Variants in DLG2 observed in about 807,000 individuals in gnomAD.
DLG2 encodes disks large homolog 2.
DLG2 carries 45 observed loss-of-function variants against 132.5 expected under a neutral mutation model. The observed-to-expected ratio is 0.34, with a 90% CI of 0.27 to 0.44. The LOEUF (loss-of-function observed/expected upper bound fraction) is 0.44, where lower values mean the gene tolerates loss of function less well. Ranked by LOEUF, DLG2 falls within the 20% of genes least tolerant of loss-of-function variation. The pLI is 1.00. For missense variants in DLG2, 1,045 were observed against 1,196.9 expected (o/e 0.87, Z 1.87); for synonymous variants, 424 against 419.6 (o/e 1.01, Z -0.13).
chr11:83,757,011 G>T (rs1004473230), intron 18 of DLG2, among the ~76,000 whole-genome samples: 1 of 152,168 alleles, frequency 6.6e-6, no homozygotes, highest in Non-Finnish European at 1.5e-5. Context: ...TGCATATGTG[G>T]CAAGTGTGCC....
chr11:83,540,221 C>T (rs1323313079), intron 20 of DLG2, among the ~76,000 whole-genome samples: 1 of 152,140 alleles, frequency 6.6e-6, no homozygotes, highest in African/African-American at 2.4e-5. Context: ...CCAAAATGCA[C>T]GTTGTCTTGA....
At chr11:85,499,752 T>A (rs2093753044) in intron 3 of DLG2, among the ~76,000 whole-genome samples, 1 of 152,162 alleles carries the variant, frequency 6.6e-6, no homozygotes, top group Non-Finnish European at 1.5e-5. Flanking sequence ...TCCACCATGA[T>A]CACGTCTGCT....
chr11:84,740,572 T>C (rs185143756), intron 6 of DLG2, among the ~76,000 whole-genome samples: 82 of 152,242 alleles, frequency 5.4e-4, no homozygotes, highest in Non-Finnish European at 1.1e-3. Flanking sequence ...CATCCTCCTC[T>C]GGAGGCCAGT....
intron 18 of DLG2, among the ~76,000 whole-genome samples, chr11:83,720,059 G>A (rs1054050092): frequency 6.6e-6 from 1 of 151,948 alleles, no homozygotes; most frequent in East Asian, 1.9e-4. Context: ...TTGGGAGGCC[G>A]AGGTGGACGG....
chr11:83,617,802 G>A (rs1381041134), intron 19 of DLG2, among the ~76,000 whole-genome samples: 1 of 152,088 alleles, frequency 6.6e-6, no homozygotes, highest in Non-Finnish European at 1.5e-5. Context: ...AGTTAGAACA[G>A]CCTGACCAAC....
chr11:83,655,638 T>C (rs2153530315), intron 18 of DLG2, among the ~76,000 whole-genome samples: 1 of 152,320 alleles, frequency 6.6e-6, no homozygotes, highest in East Asian at 1.9e-4. Flanking sequence ...TCTGAAGATA[T>C]TTGATTTTAT....
At chr11:85,021,509 G>T in intron 6 of DLG2, 1 of 1,513,290 alleles carries the variant, frequency 6.6e-7, no homozygotes, top group Non-Finnish European at 9.2e-7. Context: ...AAGCCGTTAT[G>T]AACAGAGGAG....
chr11:84,237,834 A>G (rs892314643), intron 8 of DLG2, among the ~76,000 whole-genome samples: 1 of 152,006 alleles, frequency 6.6e-6, no homozygotes, highest in Non-Finnish European at 1.5e-5. Context: ...TCAAGCGTTC[A>G]AGACCAGCCT....
At chr11:83,867,888 T>C (rs191991933) in intron 16 of DLG2, among the ~76,000 whole-genome samples, 1 of 152,192 alleles carries the variant, frequency 6.6e-6, no homozygotes, top group East Asian at 1.9e-4. Flanking sequence ...ACACCTTTTA[T>C]ATTTTAAGCG....
intron 16 of DLG2, among the ~76,000 whole-genome samples, chr11:83,839,896 A>C (rs2057167780): frequency 6.6e-6 from 1 of 152,108 alleles, no homozygotes; most frequent in South Asian, 2.1e-4. Flanking sequence ...CATCCCCTCT[A>C]ATTCAGGTTT....
chr11:84,667,427 A>G (rs965968906), intron 6 of DLG2, among the ~76,000 whole-genome samples: 2 of 152,074 alleles, frequency 1.3e-5, no homozygotes, highest in Non-Finnish European at 2.9e-5. Flanking sequence ...TTAAAATAAA[A>G]AAATTGAGAG....
intron 19 of DLG2, among the ~76,000 whole-genome samples, chr11:83,602,580 G>C (rs974109446): frequency 2.6e-5 from 4 of 152,322 alleles, no homozygotes; most frequent in Non-Finnish European, 5.9e-5. Context: ...GAGAGAATGG[G>C]GCCTGGGCCC....
chr11:85,015,255 G>GT (rs1405881840), intron 6 of DLG2, among the ~76,000 whole-genome samples: 1 of 152,014 alleles, frequency 6.6e-6, no homozygotes, highest in African/African-American at 2.4e-5. Context: ...CATTTGCTAT[G>GT]TTTTAGGTTA....
chr11:84,528,450 T>C (rs1265119788), intron 7 of DLG2, among the ~76,000 whole-genome samples: 1 of 152,118 alleles, frequency 6.6e-6, no homozygotes, highest in Non-Finnish European at 1.5e-5. Flanking sequence ...TACACGACGA[T>C]GGAGAAAATG....
chr11:85,466,354 C>T (rs1206964903), intron 3 of DLG2, among the ~76,000 whole-genome samples: 1 of 152,106 alleles, frequency 6.6e-6, no homozygotes, highest in Non-Finnish European at 1.5e-5. Context: ...GTTGCCATTG[C>T]TTTTGGTGTT....
intron 3 of DLG2, among the ~76,000 whole-genome samples, chr11:85,557,132 T>A (rs1456110860): frequency 6.6e-6 from 1 of 151,728 alleles, no homozygotes; most frequent in African/African-American, 2.4e-5. Flanking sequence ...ATCAGTAGCA[T>A]TTCCATGATG....
chr11:85,263,035 C>T (rs2077023984), intron 4 of DLG2, among the ~76,000 whole-genome samples: 1 of 152,154 alleles, frequency 6.6e-6, no homozygotes, highest in African/African-American at 2.4e-5. Flanking sequence ...GGACCTGAAC[C>T]ATAATTTCTC....
At chr11:85,226,772 C>T (rs531824970) in intron 4 of DLG2, among the ~76,000 whole-genome samples, 1 of 152,122 alleles carries the variant, frequency 6.6e-6, no homozygotes, top group East Asian at 1.9e-4. Context: ...CCTGAAAATC[C>T]CTATCTCATC....
intron 3 of DLG2, among the ~76,000 whole-genome samples, chr11:85,394,750 G>A (rs998466260): frequency 6.6e-6 from 1 of 152,086 alleles, no homozygotes; most frequent in Non-Finnish European, 1.5e-5. Flanking sequence ...AAAGACAAAA[G>A]TGACTCCATC....
Sources: gnomAD v4.1 joint callset for allele counts (sites outside exome capture counted in the v4.1 genomes callset) on GRCh38, gnomAD v4.1.1 for gene constraint, MANE v1.5 for transcripts, NCBI Gene and HGNC (gene_info 2026-07-23, HGNC 2026-07-21) for gene names.